The following AKAP13 variants were observed in gnomAD, a reference collection of about 807,000 sequenced individuals.
AKAP13 encodes the protein A-kinase anchoring protein 13, also known as A-kinase anchor protein 13.
A neutral mutation model predicts 264.5 loss-of-function variants in AKAP13; 80 were observed. The ratio of observed to expected loss-of-function variants is 0.30; its 90% confidence interval spans 0.25 to 0.36. AKAP13 has a LOEUF of 0.36. Ranked by LOEUF, AKAP13 falls within the 10% of genes least tolerant of loss-of-function variation. The pLI, the probability that AKAP13 is intolerant of heterozygous loss-of-function variation, is 1.00. For missense variants in AKAP13, 3,712 were observed against 3,435.2 expected, an observed-to-expected ratio of 1.08 and a Z score of -2.01; for synonymous variants, 1,380 against 1,250.2, an observed-to-expected ratio of 1.10 and a Z score of -2.19.
At position 85,743,693 on chromosome 15, in the gene AKAP13, A is replaced by G. The variant is rs113093088; in HGVS notation, c.8260A>G (p.Asn2754Asp). 2.6e-5 allele frequency: 42 copies of G among 1,614,042 alleles called. No homozygotes were observed. Among genetic ancestry groups the G allele is most frequent in the African/African-American group, 8.0e-5 (6 of 74,922 alleles). Reference sequence around the variant, plus strand: ...CATACTGAGTTCAACCAGCCAGACAAACAAAGGACCAGAAGGGCAGAGCCA... The same window carrying G: ...CATACTGAGTTCAACCAGCCAGACAGACAAAGGACCAGAAGGGCAGAGCCA... The part of the protein sequence containing the change: ...FHILSSTSQT[N>D]KGPEGQSQAP... The change falls in exon 36 of 37, where the codon AAC (asparagine) becomes GAC (aspartate). Residue 2754 changes from asparagine to aspartate, a missense_variant. Physicochemically the swap from Asn to Asp is conservative, Grantham distance 23. This residue lies in a region of AKAP13 where 611 missense variants were observed against 539.3 expected (regional missense o/e 1.13). Transcript: ENST00000394518.
In AKAP13 at chr15:85,500,702, G is replaced by A. The variant is rs535644116; in HGVS notation, c.33+14949G>A. On this transcript the variant is annotated intron_variant, in intron 2 of 36. Coordinates refer to ENST00000394518, the MANE Select transcript of AKAP13 (RefSeq NM_007200.5). ...CCAGAGATTCTGCTTATTTCCTTTT[G>A]GATCCTTTTATGTGGGGGCTGTAAC... Among the ~76,000 whole-genome samples the A allele has an allele frequency of 2.6e-5, 4 of 152,094 alleles. No individual in the cohort carries two copies. The East Asian group carries it at 5.8e-4, about 22-fold the overall frequency.
intron 1 of AKAP13, chr15:85,415,272 A>G (rs1246695718): frequency 2.5e-6 from 4 of 1,582,966 alleles, no homozygotes; most frequent in Non-Finnish European, 3.5e-6. Context: ...CCTGGTGGAC[A>G]GCAGAGGCTT....
chr15:85,488,865 A>T (rs1198533315), intron 2 of AKAP13, among the ~76,000 whole-genome samples: 3 of 152,244 alleles, frequency 2.0e-5, no homozygotes, highest in African/African-American at 7.2e-5. Context: ...ATGATATATG[A>T]TAATAAATTT....
At chr15:85,570,173 G>A (rs957602788) in intron 5 of AKAP13, among the ~76,000 whole-genome samples, 10 of 152,012 alleles carry the variant, frequency 6.6e-5, no homozygotes, top group African/African-American at 1.7e-4. Flanking sequence ...GTAGGAGGCC[G>A]GGTGTGGTGG....
rs1279097184 is a variant in AKAP13, at chr15:85,684,658, C to T, written c.5157-83C>T. 2.8e-6 allele frequency: 4 copies of T among 1,438,790 alleles called. No homozygotes were observed. In the South Asian group the frequency reaches 4.0e-5, roughly 15 times the overall value. The allele number at this position is 1,438,790 out of a possible 1,614,324, so 89.1% of individuals were successfully genotyped here. The stretch of plus-strand genomic sequence containing the variant: ...ACTCTATAAAAAGCCATTCAGCAGC[C>T]TTCATCTACCTTTTATTCTGCTTCA... On this transcript the variant is annotated intron_variant, in intron 15 of 36. Coordinates refer to ENST00000394518, the MANE Select transcript of AKAP13 (RefSeq NM_007200.5).
intron 29 of AKAP13, 106 bp from the exon 30 acceptor site, chr15:85,730,407 G>A: frequency 8.3e-7 from 1 of 1,211,062 alleles, no homozygotes; most frequent in Non-Finnish European, 1.2e-6. Flanking sequence ...AGGGTGTCCT[G>A]TCTTGTCACT....
Position 85,719,991 on chromosome 15 carries a change from G to C in AKAP13, c.6252+665G>C, listed in dbSNP as rs188092047. 4.6e-5 allele frequency among the ~76,000 whole-genome samples: 7 copies of C among 152,128 alleles called. No individual in the cohort carries two copies. The East Asian group carries it at 1.2e-3, about 25-fold the overall frequency. ...CTCACACCTGTAATCCCAACAGTTC[G>C]GGAGGCTGAGGCGGATGGATTGCTT... On this transcript the variant is annotated intron_variant, in intron 23 of 36. Transcript: ENST00000394518.
intron 1 of AKAP13, among the ~76,000 whole-genome samples, chr15:85,446,710 CTT>C (rs67306030): frequency 0.27 from 33,056 of 124,430 alleles, 4,644 homozygotes; most frequent in African/African-American, 0.51. Context: ...TTTTCTTTTT[CTT>C]TTTTTTTTTT....
rs1418532841 is a variant in AKAP13, at chr15:85,715,833, A to G, written c.5645A>G (p.Asp1882Gly). The G allele has an allele frequency of 3.1e-6, 5 of 1,613,244 alleles. No individual in the cohort carries two copies. The highest frequency in any genetic ancestry group is 4.2e-6 in the Non-Finnish European group (5 of 1,179,876). ...ERPRSAVLLV[D>G]ETATTPIFAN... ...CCTCGGTCCGCAGTCCTCCTGGTGGATGAAACCGCTACCACCCCAATATTT... is the reference window on the plus strand; with the variant it reads ...CCTCGGTCCGCAGTCCTCCTGGTGGGTGAAACCGCTACCACCCCAATATTT... The change falls in exon 20 of 37, where the codon GAT becomes GGT. Residue 1882 changes from aspartate to glycine, a missense_variant. Physicochemically the swap from Asp to Gly is moderately conservative, Grantham distance 94 (BLOSUM62 -1). This residue lies in a region of AKAP13 where 2,759 missense variants were observed against 2,411.7 expected (regional missense o/e 1.14). Transcript: ENST00000394518.
At chr15:85,568,489 A>G (rs2078689315) in intron 5 of AKAP13, among the ~76,000 whole-genome samples, 1 of 152,166 alleles carries the variant, frequency 6.6e-6, no homozygotes, top group African/African-American at 2.4e-5. Flanking sequence ...TGGCTGCAGA[A>G]TGGGGTATAA....
chr15:85,679,215 A>G (rs769668900), intron 14 of AKAP13, among the ~76,000 whole-genome samples: 32 of 151,764 alleles, frequency 2.1e-4, no homozygotes, highest in African/African-American at 7.5e-4. Flanking sequence ...ACTCCAGCCC[A>G]GGCGACAGTG....
intron 1 of AKAP13, among the ~76,000 whole-genome samples, chr15:85,423,566 A>T (rs1266478525): frequency 6.6e-6 from 1 of 152,172 alleles, no homozygotes; most frequent in Non-Finnish European, 1.5e-5. Flanking sequence ...TTTCCACCAC[A>T]TGTCCAGTGA....
intron 1 of AKAP13, among the ~76,000 whole-genome samples, chr15:85,419,501 T>A (rs2072411393): frequency 6.6e-6 from 1 of 152,218 alleles, no homozygotes; most frequent in South Asian, 2.1e-4. Flanking sequence ...TGTATAGGAT[T>A]GCTTAGTTGC....
At chr15:85,532,033 T>C (rs1438085604) in intron 3 of AKAP13, among the ~76,000 whole-genome samples, 1 of 152,218 alleles carries the variant, frequency 6.6e-6, no homozygotes, top group East Asian at 1.9e-4. Context: ...TTAATATCTG[T>C]GTAACATGGG....
chr15:85,395,852 A>C (rs907518811), intron 1 of AKAP13, among the ~76,000 whole-genome samples: 2 of 152,128 alleles, frequency 1.3e-5, no homozygotes, highest in African/African-American at 2.4e-5. Context: ...TAGATGGGGT[A>C]ATGTAATATC....
chr15:85,728,204 T>C (rs1436563660), intron 29 of AKAP13, among the ~76,000 whole-genome samples: 1 of 152,244 alleles, frequency 6.6e-6, no homozygotes, highest in Non-Finnish European at 1.5e-5. Context: ...TCTTTTCTCT[T>C]TGCCAGTGGC....
intron 5 of AKAP13, among the ~76,000 whole-genome samples, chr15:85,546,321 AACACACACACACACACACAC>A (rs60271542): frequency 6.9e-6 from 1 of 145,176 alleles, no homozygotes; most frequent in Non-Finnish European, 1.5e-5. Context: ...GTTGTTACCA[AACACACACACACACACACAC>A]ACACACACAC....
intron 4 of AKAP13, among the ~76,000 whole-genome samples, chr15:85,539,749 G>A (rs115015985): frequency 3.4e-4 from 52 of 152,316 alleles, no homozygotes; most frequent in African/African-American, 9.1e-4. Flanking sequence ...TTCCTTCTCT[G>A]TGGGTAGAGG....
chr15:85,403,248 C>T (rs2071507831), intron 1 of AKAP13, among the ~76,000 whole-genome samples: 1 of 152,130 alleles, frequency 6.6e-6, no homozygotes, highest in South Asian at 2.1e-4. Context: ...AGTCAGTGAA[C>T]ATACAGAGAT....
Sources: gnomAD v4.1 joint callset for allele counts (sites outside exome capture counted in the v4.1 genomes callset) on GRCh38, gnomAD v4.1.1 for gene constraint, gnomAD v4.1.1 regional missense constraint, MANE v1.5 for transcripts, NCBI Gene and HGNC (gene_info 2026-07-23, HGNC 2026-07-21) for gene names.